Variants in SUPT3H observed in about 807,000 individuals in gnomAD.
SUPT3H encodes SPT3 homolog, SAGA and STAGA complex component, also known as transcription initiation protein SPT3 homolog.
Under a neutral mutation model 44.3 loss-of-function variants are expected in SUPT3H, and 44 were observed. The ratio of observed to expected loss-of-function variants is 0.99; its 90% confidence interval spans 0.78 to 1.28. The LOEUF (loss-of-function observed/expected upper bound fraction) is 1.28. SUPT3H is among the 50% of genes most tolerant of loss of function. The probability of loss-of-function intolerance (pLI) is 0.00; values close to 1 mark genes in which losing one functional copy is unlikely to be tolerated. For missense variants in SUPT3H, 380 were observed against 387.1 expected, an observed-to-expected ratio of 0.98 and a Z score of 0.15; for synonymous variants, 124 against 125.6, an observed-to-expected ratio of 0.99 and a Z score of 0.09.
intron 11 of SUPT3H, among the ~76,000 whole-genome samples, chr6:44,816,403 A>G (rs1461555268): frequency 6.6e-6 from 1 of 152,204 alleles, no homozygotes; most frequent in Non-Finnish European, 1.5e-5. Flanking sequence ...AAACTATCAA[A>G]ACTCTCTCAA....
chr6:45,212,520 T>C (rs1427271647), intron 2 of SUPT3H, among the ~76,000 whole-genome samples: 3 of 24,550 alleles, frequency 1.2e-4, no homozygotes, highest in Admixed American at 3.1e-4. Flanking sequence ...TGTGTGTGTG[T>C]GTGTGTGTGT....
chr6:45,044,440 T>A (rs537746075), intron 3 of SUPT3H, among the ~76,000 whole-genome samples: 1 of 152,288 alleles, frequency 6.6e-6, no homozygotes, highest in East Asian at 1.9e-4. Flanking sequence ...AGCACTGTAA[T>A]GTTAGGCTAG....
chr6:45,080,682 G>A (rs913419647), intron 3 of SUPT3H, among the ~76,000 whole-genome samples: 3 of 151,820 alleles, frequency 2.0e-5, no homozygotes, highest in East Asian at 1.9e-4. Context: ...CACAAAAACC[G>A]ACTTCACTTG....
At chr6:44,816,638 A>G (rs181875051) in intron 11 of SUPT3H, among the ~76,000 whole-genome samples, 1 of 152,322 alleles carries the variant, frequency 6.6e-6, no homozygotes, top group East Asian at 1.9e-4. Flanking sequence ...GCCCAAACTC[A>G]TTTTATGAGC....
At chr6:44,905,527 C>T (rs531525943) in intron 10 of SUPT3H, among the ~76,000 whole-genome samples, 3 of 151,404 alleles carry the variant, frequency 2.0e-5, no homozygotes, top group Admixed American at 1.3e-4. Flanking sequence ...ACAACAGGTG[C>T]TGGAGAGGAT....
At chr6:45,110,320 T>G (rs1279461572) in intron 2 of SUPT3H, among the ~76,000 whole-genome samples, 1 of 152,176 alleles carries the variant, frequency 6.6e-6, no homozygotes, top group East Asian at 1.9e-4. Context: ...AACTTTTTAT[T>G]CTGTATACTT....
At chr6:45,126,208 T>C (rs1278542803) in intron 2 of SUPT3H, among the ~76,000 whole-genome samples, 1 of 152,220 alleles carries the variant, frequency 6.6e-6, no homozygotes, top group African/African-American at 2.4e-5. Flanking sequence ...GGGTGGCCCA[T>C]TTAAAACAGT....
intron 6 of SUPT3H, among the ~76,000 whole-genome samples, chr6:44,980,306 G>C (rs1778919424): frequency 1.3e-5 from 2 of 150,620 alleles, no homozygotes; most frequent in African/African-American, 2.4e-5. Flanking sequence ...ATAAGTTCTC[G>C]GAAACTGAAA....
intron 10 of SUPT3H, among the ~76,000 whole-genome samples, chr6:44,906,988 C>T (rs964669172): frequency 1.3e-5 from 2 of 152,184 alleles, no homozygotes; most frequent in East Asian, 1.9e-4. Flanking sequence ...ACACAACCTT[C>T]AAGTGATTAA....
intron 2 of SUPT3H, among the ~76,000 whole-genome samples, chr6:45,199,192 T>C (rs985662726): frequency 6.6e-6 from 1 of 151,298 alleles, no homozygotes; most frequent in African/African-American, 2.4e-5. Context: ...TGTTGTTGCA[T>C]TGGATTAAAT....
At chr6:45,113,600 T>C (rs968093231) in intron 2 of SUPT3H, among the ~76,000 whole-genome samples, 2 of 151,882 alleles carry the variant, frequency 1.3e-5, no homozygotes, top group South Asian at 4.2e-4. Flanking sequence ...CCAAGGTGGG[T>C]AGATCACCTG....
chr6:45,042,973 A>T (rs1300269861), intron 3 of SUPT3H, among the ~76,000 whole-genome samples: 1 of 152,188 alleles, frequency 6.6e-6, no homozygotes, highest in African/African-American at 2.4e-5. Context: ...ACCCTTTCTC[A>T]ACATTTTGTT....
chr6:45,342,879 T>C lies in SUPT3H; in HGVS notation c.101+22322A>G, dbSNP rs142071436. Among the ~76,000 whole-genome samples, 122 of 152,328 alleles carry C rather than the reference T, an allele frequency of 8.0e-4. 4 individuals carry two copies. In the East Asian group the frequency reaches 0.023, roughly 29 times the overall value. On this transcript the variant is annotated intron_variant, in intron 2 of 10. Coordinates refer to ENST00000371459, the MANE Select transcript of SUPT3H (RefSeq NM_003599.4). ...ACAAGATATTTGTAAATCGAAAAAGTATTCTCATGAAAACCATAGAATGTC... is the reference window on the plus strand; with the variant it reads ...ACAAGATATTTGTAAATCGAAAAAGCATTCTCATGAAAACCATAGAATGTC...
At chr6:45,331,104 G>GGGGTGT (rs1554347231) in intron 2 of SUPT3H, among the ~76,000 whole-genome samples, 2 of 149,606 alleles carry the variant, frequency 1.3e-5, no homozygotes, top group African/African-American at 4.9e-5. Flanking sequence ...TACAATGAGT[G>GGGGTGT]GTGTGTGTGT....
intron 2 of SUPT3H, among the ~76,000 whole-genome samples, chr6:45,214,866 CTT>C (rs1764775607): frequency 6.6e-6 from 1 of 152,172 alleles, no homozygotes; most frequent in Non-Finnish European, 1.5e-5. Context: ...AGACCTGCTG[CTT>C]GTAACCCCCT....
intron 10 of SUPT3H, among the ~76,000 whole-genome samples, chr6:44,882,222 A>G (rs755867345): frequency 3.9e-5 from 6 of 152,238 alleles, no homozygotes; most frequent in Non-Finnish European, 7.3e-5. Flanking sequence ...GATCCCACAT[A>G]AATACAAACT....
At chr6:45,354,964 G>GGA (rs566906691) in intron 2 of SUPT3H, among the ~76,000 whole-genome samples, 16 of 152,004 alleles carry the variant, frequency 1.1e-4, no homozygotes, top group Non-Finnish European at 5.9e-5. Context: ...AAATACCAAA[G>GGA]CCTTAATAGC....
At chr6:44,839,877 T>G (rs1770643160) in intron 10 of SUPT3H, among the ~76,000 whole-genome samples, 1 of 152,152 alleles carries the variant, frequency 6.6e-6, no homozygotes, top group South Asian at 2.1e-4. Flanking sequence ...ACTTTTTGTA[T>G]TTTTAGTAGA....
At chr6:45,158,387 T>C (rs895980732) in intron 2 of SUPT3H, among the ~76,000 whole-genome samples, 1 of 142,648 alleles carries the variant, frequency 7.0e-6, no homozygotes, top group African/African-American at 2.7e-5. Context: ...GCAACTGAAA[T>C]AGGGTAATGT....
Sources: gnomAD v4.1 joint callset for allele counts (sites outside exome capture counted in the v4.1 genomes callset) on GRCh38, gnomAD v4.1.1 for gene constraint, MANE v1.5 for transcripts, NCBI Gene and HGNC (gene_info 2026-07-23, HGNC 2026-07-21) for gene names.